YTHDF3: variants seen among roughly 807,000 people sequenced by gnomAD.
The protein encoded by YTHDF3 is YTH domain-containing family protein 3.
YTHDF3 carries 9 observed loss-of-function variants against 52.5 expected under a neutral mutation model. That is an observed-to-expected ratio of 0.17 (90% confidence interval 0.10 to 0.30). The LOEUF is 0.30. Among genes scored for constraint, YTHDF3 ranks in the 10% least tolerant of loss-of-function variants. The pLI, the probability that YTHDF3 is intolerant of heterozygous loss-of-function variation, is 1.00. For missense variants in YTHDF3, 534 were observed against 715.0 expected (o/e 0.75, Z 2.89); for synonymous variants, 274 against 243.3 (o/e 1.13, Z -1.18).
intron 3 of YTHDF3, among the ~76,000 whole-genome samples, chr8:63,179,964 G>T (rs13282689): frequency 6.7e-6 from 1 of 149,894 alleles, no homozygotes; most frequent in Non-Finnish European, 1.5e-5. Flanking sequence ...GCGGCTGGCC[G>T]GGCGGGGGGC....
intron 4 of YTHDF3, among the ~76,000 whole-genome samples, chr8:63,195,198 G>C (rs1696225808): frequency 6.6e-6 from 1 of 152,170 alleles, no homozygotes. Flanking sequence ...ATGCTAGTTA[G>C]TATTTGTATT....
chr8:63,181,836 A>G (rs1463477148), intron 3 of YTHDF3, among the ~76,000 whole-genome samples: 2 of 152,204 alleles, frequency 1.3e-5, no homozygotes, highest in East Asian at 1.9e-4. Context: ...TAGGTTATCT[A>G]ATAGAATTAG....
intron 3 of YTHDF3, among the ~76,000 whole-genome samples, chr8:63,181,640 GTGTTT>G (rs1434330549): frequency 6.6e-6 from 1 of 152,112 alleles, no homozygotes; most frequent in African/African-American, 2.4e-5. Flanking sequence ...TTGTACTTAA[GTGTTT>G]TGTTTTGCTT....
chr8:63,177,196 T>C (rs1336497354), intron 3 of YTHDF3, among the ~76,000 whole-genome samples: 3 of 152,008 alleles, frequency 2.0e-5, no homozygotes, highest in Non-Finnish European at 2.9e-5. Context: ...TACAGTAGAG[T>C]TATAGGGAAA....
chr8:63,187,636 A>G lies in YTHDF3; in HGVS notation c.1625A>G (p.Lys542Arg). The G allele has an allele frequency of 6.2e-7, 1 of 1,611,458 alleles. No individual in the cohort carries two copies. Among genetic ancestry groups the G allele is most frequent in the South Asian group, 1.1e-5 (1 of 90,730 alleles). The change falls in exon 4 of 5, where the codon AAA (lysine) becomes AGA (arginine). Residue 542 changes from lysine (K) to arginine (R), a missense_variant. Physicochemically the swap from Lys to Arg is conservative, Grantham distance 26. Around this residue, in one of 3 missense-constraint regions of YTHDF3, gnomAD observed 135 missense variants for 214.2 expected, o/e 0.63. Coordinates refer to ENST00000539294, the MANE Select transcript of YTHDF3 (RefSeq NM_152758.6). ...SRDTQEVPLE[K>R]AKQVLKIIAT... ...GACACTCAAGAGGTACCCCTAGAAA[A>G]AGCTAAGCAAGTGCTTAAAATAATT... is the stretch of plus-strand genomic sequence containing the variant.
intron 3 of YTHDF3, among the ~76,000 whole-genome samples, chr8:63,180,028 C>T (rs893504442): frequency 4.7e-5 from 7 of 150,138 alleles, no homozygotes; most frequent in African/African-American, 1.5e-4. Flanking sequence ...GGGGGCTGAT[C>T]CCCCCATCTC....
At position 63,205,259 on chromosome 8, in the gene YTHDF3, C is replaced by T. The variant is rs539274904; in HGVS notation, c.1735-4424C>T. Among the ~76,000 whole-genome samples, 8 of 152,116 alleles carry T rather than the reference C, an allele frequency of 5.3e-5. No homozygotes were observed. The South Asian group carries it at 6.2e-4, about 12-fold the overall frequency. On this transcript the variant is annotated intron_variant, in intron 4 of 4. Transcript: ENST00000539294. Reference sequence around the variant, plus strand: ...TATAACTAGGGACTTAGTCCTTCTCCGGGTGTATGGGATCATGGCTATTTT... The same window carrying T: ...TATAACTAGGGACTTAGTCCTTCTCTGGGTGTATGGGATCATGGCTATTTT...
intron 3 of YTHDF3, among the ~76,000 whole-genome samples, chr8:63,182,078 AT>A (rs201834047): frequency 7.4e-5 from 11 of 149,110 alleles, no homozygotes; most frequent in African/African-American, 2.2e-4. Flanking sequence ...TTTTTTTTAA[AT>A]TTTTTTTTTA....
intron 2 of YTHDF3, among the ~76,000 whole-genome samples, chr8:63,171,669 C>G (rs1435457): frequency 1.3e-5 from 2 of 151,964 alleles, no homozygotes; most frequent in East Asian, 3.9e-4. Flanking sequence ...GTTCCCAGCT[C>G]GTAAAATTGT....
intron 4 of YTHDF3, among the ~76,000 whole-genome samples, chr8:63,198,639 A>AT (rs1382780538): frequency 1.3e-5 from 2 of 152,142 alleles, no homozygotes; most frequent in Non-Finnish European, 2.9e-5. Flanking sequence ...TAACTTTAAG[A>AT]TGAGATGATG....
At chr8:63,192,381 G>A (rs1808969119) in intron 4 of YTHDF3, among the ~76,000 whole-genome samples, 1 of 152,162 alleles carries the variant, frequency 6.6e-6, no homozygotes, top group African/African-American at 2.4e-5. Flanking sequence ...CTTTGCAAAT[G>A]TGGAGATGGG....
At chr8:63,196,474 A>G (rs538522518) in intron 4 of YTHDF3, among the ~76,000 whole-genome samples, 1 of 151,978 alleles carries the variant, frequency 6.6e-6, no homozygotes, top group South Asian at 2.1e-4. Context: ...AGGTAGGAGA[A>G]TCACTTGAAA....
intron 4 of YTHDF3, among the ~76,000 whole-genome samples, chr8:63,202,363 G>A (rs1038569818): frequency 6.6e-6 from 1 of 152,040 alleles, no homozygotes; most frequent in Non-Finnish European, 1.5e-5. Flanking sequence ...GTGCATGCTA[G>A]AAGCTTATCT....
At chr8:63,171,330 T>A (rs757516533) in intron 2 of YTHDF3, among the ~76,000 whole-genome samples, 5 of 152,298 alleles carry the variant, frequency 3.3e-5, no homozygotes, top group Non-Finnish European at 5.9e-5. Flanking sequence ...GTTGTTAGGA[T>A]TCTTGTAATT....
chr8:63,180,027 T>TC (rs1807992769), intron 3 of YTHDF3, among the ~76,000 whole-genome samples: 1 of 135,430 alleles, frequency 7.4e-6, no homozygotes, highest in Non-Finnish European at 1.6e-5. Context: ...GGGGGGCTGA[T>TC]CCCCCCATCT....
chr8:63,174,144 C>T (rs542787221), intron 2 of YTHDF3, among the ~76,000 whole-genome samples: 1 of 152,276 alleles, frequency 6.6e-6, no homozygotes, highest in East Asian at 1.9e-4. Flanking sequence ...ACCCGTCACC[C>T]TCCTAACTTC....
chr8:63,198,939 C>G (rs907637874), intron 4 of YTHDF3, among the ~76,000 whole-genome samples: 1 of 151,960 alleles, frequency 6.6e-6, no homozygotes, highest in Non-Finnish European at 1.5e-5. Context: ...ACATTTGATA[C>G]AATAAACTTT....
At chr8:63,206,321 C>T (rs1810030292) in intron 4 of YTHDF3, among the ~76,000 whole-genome samples, 1 of 152,090 alleles carries the variant, frequency 6.6e-6, no homozygotes, top group Non-Finnish European at 1.5e-5. Flanking sequence ...CCTCAGCCTC[C>T]CAAAGTGCTG....
chr8:63,206,633 G>A (rs570437968), intron 4 of YTHDF3, among the ~76,000 whole-genome samples: 5 of 152,136 alleles, frequency 3.3e-5, no homozygotes, highest in East Asian at 3.9e-4. Flanking sequence ...TTAACATTCA[G>A]ATTTATTGGC....
Sources: gnomAD v4.1 joint callset for allele counts (sites outside exome capture counted in the v4.1 genomes callset) on GRCh38, gnomAD v4.1.1 for gene constraint, gnomAD v4.1.1 regional missense constraint, MANE v1.5 for transcripts, NCBI Gene and HGNC (gene_info 2026-07-23, HGNC 2026-07-21) for gene names.